CFAP53: variants seen among roughly 807,000 people sequenced by gnomAD.
CFAP53 encodes cilia and flagella associated protein 53.
CFAP53 carries 62 observed loss-of-function variants against 59.7 expected under a neutral mutation model. That is an observed-to-expected ratio of 1.04 (90% CI 0.85 to 1.28). The LOEUF (loss-of-function observed/expected upper bound fraction) is 1.28, where lower values mean the gene tolerates loss of function less well. Ranked by LOEUF, CFAP53 falls within the 50% of genes most tolerant of loss-of-function variation. The pLI is 0.00. For missense variants in CFAP53, 629 were observed against 615.6 expected, an observed-to-expected ratio of 1.02 and a Z score of -0.23; for synonymous variants, 218 against 205.7, an observed-to-expected ratio of 1.06 and a Z score of -0.51.
intron 3 of CFAP53, among the ~76,000 whole-genome samples, chr18:50,260,388 A>T (rs1432051309): frequency 1.3e-5 from 2 of 152,142 alleles, no homozygotes; most frequent in Non-Finnish European, 2.9e-5. Flanking sequence ...AGGGCCGGGC[A>T]TGGTGGCTCA....
At chr18:50,263,514 A>G (rs1341852314) in intron 1 of CFAP53, among the ~76,000 whole-genome samples, 3 of 152,224 alleles carry the variant, frequency 2.0e-5, no homozygotes, top group Non-Finnish European at 2.9e-5. Flanking sequence ...TGGGGTGGTA[A>G]GGAGACAGAA....
intron 1 of CFAP53, among the ~76,000 whole-genome samples, chr18:50,264,408 G>A (rs899851196): frequency 6.6e-6 from 1 of 152,198 alleles, no homozygotes; most frequent in Non-Finnish European, 1.5e-5. Flanking sequence ...TAATTGAATG[G>A]AGCAAGTTAC....
intron 6 of CFAP53, among the ~76,000 whole-genome samples, chr18:50,239,431 G>A (rs1363659218): frequency 1.3e-5 from 2 of 151,942 alleles, no homozygotes; most frequent in African/African-American, 4.8e-5. Flanking sequence ...AAAAGACAAA[G>A]GAAACAGAGT....
At chr18:50,229,270 A>G (rs113121893) in intron 7 of CFAP53, among the ~76,000 whole-genome samples, 47 of 152,290 alleles carry the variant, frequency 3.1e-4, no homozygotes, top group African/African-American at 1.1e-3. Flanking sequence ...GGTAACCACC[A>G]TTCTACTTTA....
At chr18:50,232,865 C>T (rs972403870) in intron 7 of CFAP53, among the ~76,000 whole-genome samples, 5 of 152,232 alleles carry the variant, frequency 3.3e-5, no homozygotes, top group Admixed American at 6.5e-5. Context: ...ACCTTTTCCT[C>T]TCCATTCCTT....
chr18:50,266,473 C>T lies in CFAP53; in HGVS notation c.-69G>A. 6.7e-7 allele frequency: 1 copy of T among 1,490,502 alleles called. No individual in the cohort carries two copies. The highest frequency in any genetic ancestry group is 9.4e-7 in the Non-Finnish European group (1 of 1,067,654). The allele number at this position is 1,490,502 out of a possible 1,614,324, so 92.3% of individuals were successfully genotyped here. ...CCCCAACCGTGGCGACCTGCGGGAC[C>T]CGCTTCCGCGACGCAGAAGTCTGGT... is the stretch of plus-strand genomic sequence containing the variant. On this transcript the variant is annotated 5_prime_UTR_variant, in exon 1 of 8. Coordinates refer to ENST00000398545, the MANE Select transcript of CFAP53 (RefSeq NM_145020.5).
Position 50,250,950 on chromosome 18 carries a change from A to G in CFAP53, c.804T>C (p.His268=), listed in dbSNP as rs763736108. The change falls in exon 5 of 8, where the codon CAT becomes CAC. Residue 268 remains histidine (H), a synonymous_variant. Transcript: ENST00000398545. The part of the protein sequence containing the change: ...LVESNNAQIK[H]ENEQDMLKKQ... Reference sequence around the variant, plus strand: ...TCTTTAGCATATCCTGTTCATTCTCATGTTTAATCTGTGCGTTGTTACTTT... The same window carrying G: ...TCTTTAGCATATCCTGTTCATTCTCGTGTTTAATCTGTGCGTTGTTACTTT... 16 of 1,613,906 alleles carry G rather than the reference A, an allele frequency of 9.9e-6. No homozygotes were observed. In the Admixed American group the frequency reaches 1.3e-4, roughly 13 times the overall value.
At chr18:50,235,123 CA>C (rs1300439922) in intron 7 of CFAP53, among the ~76,000 whole-genome samples, 8 of 152,074 alleles carry the variant, frequency 5.3e-5, no homozygotes, top group Middle Eastern at 3.4e-3. Flanking sequence ...GGTCAGGTAG[CA>C]AAAAACTTTA....
At chr18:50,260,269 C>A (rs12959102) in intron 3 of CFAP53, among the ~76,000 whole-genome samples, 2 of 151,860 alleles carry the variant, frequency 1.3e-5, no homozygotes, top group Admixed American at 1.3e-4. Context: ...GTCTGAAAAC[C>A]GAGGGTCACC....
intron 1 of CFAP53, among the ~76,000 whole-genome samples, chr18:50,262,881 T>A (rs907989147): frequency 1.1e-4 from 16 of 152,178 alleles, no homozygotes; most frequent in African/African-American, 3.9e-4. Context: ...AGAACTTTAT[T>A]CCTATTTCTA....
intron 3 of CFAP53, among the ~76,000 whole-genome samples, chr18:50,254,724 A>G (rs2033832016): frequency 6.6e-6 from 1 of 152,182 alleles, no homozygotes; most frequent in Non-Finnish European, 1.5e-5. Context: ...CTGCATCTCT[A>G]CTAAAAATAC....
intron 5 of CFAP53, among the ~76,000 whole-genome samples, chr18:50,250,286 A>G (rs2033786049): frequency 6.6e-6 from 1 of 152,124 alleles, no homozygotes. Flanking sequence ...CATGCACACT[A>G]AGAACCAGGT....
chr18:50,241,309 C>A (rs189562370), intron 6 of CFAP53, among the ~76,000 whole-genome samples: 1 of 152,156 alleles, frequency 6.6e-6, no homozygotes, highest in African/African-American at 2.4e-5. Context: ...AATAAAGACC[C>A]TCCTGGCCAG....
chr18:50,243,978 A>C (rs996876496), intron 5 of CFAP53, among the ~76,000 whole-genome samples: 32 of 152,046 alleles, frequency 2.1e-4, no homozygotes, highest in African/African-American at 7.2e-4. Context: ...AAACAAAAAA[A>C]ATCAAGGGCC....
At chr18:50,257,660 A>C (rs540500261) in intron 3 of CFAP53, among the ~76,000 whole-genome samples, 10 of 152,370 alleles carry the variant, frequency 6.6e-5, no homozygotes, top group African/African-American at 2.4e-4. Context: ...TGGAAGAATC[A>C]ATATTATTAA....
intron 7 of CFAP53, among the ~76,000 whole-genome samples, chr18:50,231,749 T>C (rs1486199294): frequency 6.6e-6 from 1 of 152,184 alleles, no homozygotes; most frequent in Non-Finnish European, 1.5e-5. Context: ...CCCTAATCCC[T>C]ACGTGTGATG....
intron 3 of CFAP53, among the ~76,000 whole-genome samples, chr18:50,260,733 A>C (rs1336657451): frequency 1.3e-5 from 2 of 152,124 alleles, no homozygotes; most frequent in Non-Finnish European, 2.9e-5. Flanking sequence ...CTACAGCAGC[A>C]GGGGGAAAGC....
At chr18:50,257,186 A>G (rs1027847821) in intron 3 of CFAP53, among the ~76,000 whole-genome samples, 4 of 152,098 alleles carry the variant, frequency 2.6e-5, no homozygotes, top group African/African-American at 4.8e-5. Context: ...TGTGATCATC[A>G]CTGCACTGAG....
chr18:50,232,349 T>G (rs2033591402), intron 7 of CFAP53, among the ~76,000 whole-genome samples: 3 of 152,184 alleles, frequency 2.0e-5, no homozygotes, highest in Admixed American at 1.3e-4. Flanking sequence ...CCTGAGTCCT[T>G]TACAACTGAC....
Sources: allele counts gnomAD v4.1 joint callset (sites outside exome capture counted in the v4.1 genomes callset), GRCh38; gene constraint gnomAD v4.1.1; transcripts MANE v1.5; gene names NCBI Gene and HGNC (gene_info 2026-07-23, HGNC 2026-07-21).